Variants in ROBO2 observed in about 807,000 individuals in gnomAD.
ROBO2 encodes the protein roundabout homolog 2.
In ROBO2, 53 loss-of-function variants were observed where a neutral mutation model predicts 160.8. The ratio of observed to expected loss-of-function variants is 0.33; its 90% confidence interval spans 0.26 to 0.41. The LOEUF (loss-of-function observed/expected upper bound fraction) is 0.41, where lower values mean the gene tolerates loss of function less well. Among genes scored for constraint, ROBO2 ranks in the 10% least tolerant of loss-of-function variants. The pLI is 1.00. For synonymous variants in ROBO2, 664 were observed against 611.7 expected, an observed-to-expected ratio of 1.09 and a Z score of -1.26; for missense variants, 1,577 against 1,722.4, an observed-to-expected ratio of 0.92 and a Z score of 1.49.
exon 3 of ROBO2, chr3:77,477,562 A>G: frequency 6.2e-7 from 1 of 1,614,102 alleles, no homozygotes; most frequent in Non-Finnish European, 8.5e-7. Flanking sequence ...ACAAGGAAGA[A>G]AGAATAAGTG....
chr3:77,078,987 A>G (rs1286967230), intron 1 of ROBO2, among the ~76,000 whole-genome samples: 1 of 152,196 alleles, frequency 6.6e-6, no homozygotes, highest in Non-Finnish European at 1.5e-5. Context: ...TGTGTCACCC[A>G]GGCTGGAGTG....
intron 2 of ROBO2, among the ~76,000 whole-genome samples, chr3:76,098,362 C>T (rs1363147721): frequency 6.6e-6 from 1 of 152,062 alleles, no homozygotes; most frequent in Non-Finnish European, 1.5e-5. Flanking sequence ...CTCTCTGTAA[C>T]TATGTTTTTA....
intron 2 of ROBO2, among the ~76,000 whole-genome samples, chr3:76,675,661 C>T (rs1373752414): frequency 6.6e-6 from 1 of 152,100 alleles, no homozygotes; most frequent in African/African-American, 2.4e-5. Context: ...TATGGATCAA[C>T]CCCAGGGTTT....
At chr3:77,214,382 G>T (rs1353399628) in intron 2 of ROBO2, among the ~76,000 whole-genome samples, 4 of 152,014 alleles carry the variant, frequency 2.6e-5, no homozygotes, top group Admixed American at 6.6e-5. Context: ...GTCTGTTTAA[G>T]CAGAGACTAG....
At chr3:76,534,087 T>C (rs2082367258) in intron 2 of ROBO2, among the ~76,000 whole-genome samples, 1 of 152,162 alleles carries the variant, frequency 6.6e-6, no homozygotes, top group Non-Finnish European at 1.5e-5. Context: ...TAAGAAAAGA[T>C]AAAGAATATA....
intron 2 of ROBO2, among the ~76,000 whole-genome samples, chr3:77,336,353 G>A (rs1032041710): frequency 6.6e-6 from 1 of 152,054 alleles, no homozygotes; most frequent in African/African-American, 2.4e-5. Context: ...GCAACACGAA[G>A]TCAAGAGGGG....
At chr3:77,436,832 T>A (rs937363172) in intron 2 of ROBO2, among the ~76,000 whole-genome samples, 1 of 151,940 alleles carries the variant, frequency 6.6e-6, no homozygotes, top group African/African-American at 2.4e-5. Context: ...GGAAAGAAAC[T>A]ATTATAGCCT....
intron 2 of ROBO2, among the ~76,000 whole-genome samples, chr3:76,859,591 A>C (rs768436825): frequency 1.3e-5 from 2 of 152,060 alleles, no homozygotes; most frequent in Non-Finnish European, 2.9e-5. Context: ...CTCCCATTAC[A>C]TTACATCTCT....
chr3:77,642,076 T>G (rs1433708809), intron 24 of ROBO2, among the ~76,000 whole-genome samples: 2 of 152,196 alleles, frequency 1.3e-5, no homozygotes, highest in African/African-American at 4.8e-5. Context: ...ACTCATTAGC[T>G]AACTCATGAA....
At chr3:76,381,866 G>A (rs1374426034) in intron 2 of ROBO2, among the ~76,000 whole-genome samples, 1 of 152,134 alleles carries the variant, frequency 6.6e-6, no homozygotes, top group African/African-American at 2.4e-5. Context: ...TTCTCAGCCC[G>A]GTTTAATGTC....
At chr3:77,334,182 G>A (rs1159793400) in intron 2 of ROBO2, among the ~76,000 whole-genome samples, 4 of 152,120 alleles carry the variant, frequency 2.6e-5, no homozygotes, top group African/African-American at 9.7e-5. Flanking sequence ...AGCTGTACGT[G>A]GATTAGGTAG....
intron 2 of ROBO2, among the ~76,000 whole-genome samples, chr3:76,706,474 A>C (rs2093166250): frequency 6.6e-6 from 1 of 151,840 alleles, no homozygotes; most frequent in Non-Finnish European, 1.5e-5. Context: ...GCTCCCCCTG[A>C]TCCCTCCCCC....
chr3:77,016,795 T>A (rs2062292430), intron 2 of ROBO2, among the ~76,000 whole-genome samples: 1 of 152,198 alleles, frequency 6.6e-6, no homozygotes, highest in Non-Finnish European at 1.5e-5. Context: ...CCTTTTCTCT[T>A]GTACCATGCT....
intron 23 of ROBO2, among the ~76,000 whole-genome samples, chr3:77,626,403 A>C (rs747807209): frequency 5.3e-5 from 8 of 152,198 alleles, no homozygotes; most frequent in Middle Eastern, 3.2e-3. Context: ...TTTTCATTGT[A>C]ATCTATGCTC....
chr3:77,379,542 A>G (rs1050425845), intron 2 of ROBO2, among the ~76,000 whole-genome samples: 17 of 152,220 alleles, frequency 1.1e-4, no homozygotes, highest in African/African-American at 4.1e-4. Flanking sequence ...GAGCTCTATA[A>G]CTTGAAGAAA....
intron 1 of ROBO2, among the ~76,000 whole-genome samples, chr3:77,056,910 A>AT (rs2065806389): frequency 6.6e-6 from 1 of 152,294 alleles, no homozygotes; most frequent in Middle Eastern, 3.4e-3. Context: ...TTTTGTAAAA[A>AT]AAAAGACCAA....
chr3:77,206,213 A>G (rs1368897288), intron 2 of ROBO2, among the ~76,000 whole-genome samples: 1 of 151,620 alleles, frequency 6.6e-6, no homozygotes, highest in Non-Finnish European at 1.5e-5. Flanking sequence ...CTTGTTGCTC[A>G]GGCTAGAGTG....
At chr3:77,096,545 T>C (rs1292796840) in intron 1 of ROBO2, among the ~76,000 whole-genome samples, 2 of 151,302 alleles carry the variant, frequency 1.3e-5, no homozygotes, top group Admixed American at 6.6e-5. Flanking sequence ...GCTTCCTGAG[T>C]TCAAACGATT....
At chr3:76,824,149 C>T (rs1230231269) in intron 2 of ROBO2, among the ~76,000 whole-genome samples, 2 of 152,294 alleles carry the variant, frequency 1.3e-5, no homozygotes, top group East Asian at 3.9e-4. Context: ...AGGGAATGTA[C>T]TGGAGACACA....
Sources: gnomAD v4.1 joint callset for allele counts (sites outside exome capture counted in the v4.1 genomes callset) on GRCh38, gnomAD v4.1.1 for gene constraint, MANE v1.5 for transcripts, NCBI Gene and HGNC (gene_info 2026-07-23, HGNC 2026-07-21) for gene names.